The following CALN1 variants were observed in gnomAD, a reference collection of about 807,000 sequenced individuals.
CALN1 encodes calneuron 1, also known as calcium-binding protein 8.
In CALN1, 17 loss-of-function variants were observed where a neutral mutation model predicts 30.6. The observed-to-expected ratio is 0.56, with a 90% CI of 0.38 to 0.83. The LOEUF (loss-of-function observed/expected upper bound fraction) is 0.83. Among genes scored for constraint, CALN1 ranks in the 40% least tolerant of loss-of-function variants. The pLI is 0.00. For missense variants in CALN1, 291 were observed against 354.9 expected, an observed-to-expected ratio of 0.82 and a Z score of 1.45; for synonymous variants, 156 against 131.4, an observed-to-expected ratio of 1.19 and a Z score of -1.28.
chr7:71,926,220 C>A (rs976409917), intron 5 of CALN1, among the ~76,000 whole-genome samples: 1 of 152,146 alleles, frequency 6.6e-6, no homozygotes, highest in East Asian at 1.9e-4. Flanking sequence ...CATGTGTCCC[C>A]GATGAGCATT....
chr7:72,222,187 C>T (rs971463287), intron 3 of CALN1, among the ~76,000 whole-genome samples: 11 of 151,900 alleles, frequency 7.2e-5, no homozygotes, highest in African/African-American at 2.7e-4. Context: ...GACTGTGCCC[C>T]TGCGCTCCAG....
At chr7:72,168,802 ATTATTTTTT>A (rs1357075125) in intron 3 of CALN1, among the ~76,000 whole-genome samples, 3 of 114,450 alleles carry the variant, frequency 2.6e-5, no homozygotes, top group African/African-American at 7.4e-5. Context: ...TATTATTATT[ATTATTTTTT>A]TTTTTTTTTT....
At chr7:72,037,297 C>G (rs1039123951) in intron 4 of CALN1, among the ~76,000 whole-genome samples, 4 of 152,018 alleles carry the variant, frequency 2.6e-5, no homozygotes, top group Admixed American at 6.6e-5. Context: ...ACCACAGGTG[C>G]CTGCTACCAC....
In CALN1 at chr7:72,132,802, T is replaced by TA. The variant is rs1809246149; in HGVS notation, c.245-26509dup. On this transcript the variant is annotated intron_variant, in intron 3 of 6. Coordinates refer to ENST00000395275, the MANE Select transcript of CALN1 (RefSeq NM_031468.4). ...AGACAATGTAGCCCATCAGAAAAGT[T>TA]AAAGTAGGGGTCCCCAACCCCCAGG... 2.0e-5 allele frequency among the ~76,000 whole-genome samples: 3 copies of TA among 152,072 alleles called. No individual in the cohort carries two copies. The East Asian group carries it at 5.8e-4, about 29-fold the overall frequency.
At chr7:72,141,851 G>C (rs953265113) in intron 3 of CALN1, among the ~76,000 whole-genome samples, 3 of 152,114 alleles carry the variant, frequency 2.0e-5, no homozygotes, top group African/African-American at 7.2e-5. Flanking sequence ...TTACAGGTGT[G>C]AGTCACTGTG....
chr7:71,843,657 A>G (rs1411101475), intron 5 of CALN1, among the ~76,000 whole-genome samples: 1 of 152,072 alleles, frequency 6.6e-6, no homozygotes, highest in Admixed American at 6.6e-5. Context: ...CCAGAGAGCT[A>G]AGCTAAGCTC....
intron 2 of CALN1, among the ~76,000 whole-genome samples, chr7:72,300,224 C>G (rs1799160180): frequency 6.6e-6 from 1 of 152,076 alleles, no homozygotes; most frequent in African/African-American, 2.4e-5. Flanking sequence ...TGTAATGGGA[C>G]TGATACTTCA....
At chr7:71,892,646 T>C (rs1240911917) in intron 5 of CALN1, among the ~76,000 whole-genome samples, 1 of 152,214 alleles carries the variant, frequency 6.6e-6, no homozygotes, top group African/African-American at 2.4e-5. Context: ...CAAATTATTT[T>C]CAATAATTAT....
At chr7:72,448,691 C>T (rs1280903977), upstream of CALN1, among the ~76,000 whole-genome samples, 4 of 151,962 alleles carry the variant, frequency 2.6e-5, no homozygotes, top group South Asian at 4.2e-4. Flanking sequence ...CTGCAACCTC[C>T]GTCTCCTGAG....
In CALN1 at chr7:71,951,934, C is replaced by CA. The variant is rs1796712988; in HGVS notation, c.501+71722_501+71723insT. 2.0e-5 allele frequency among the ~76,000 whole-genome samples: 3 copies of CA among 146,830 alleles called. No individual in the cohort carries two copies. The Admixed American group carries it at 2.1e-4, about 10-fold the overall frequency. On this transcript the variant is annotated intron_variant, in intron 5 of 6. Coordinates refer to ENST00000395275, the MANE Select transcript of CALN1 (RefSeq NM_031468.4). ...CTCTAGTTTGTCAAACTGCTGCAGC[C>CA]TTTTTTTTTTTCCATTCCCCTCCTG...
intron 3 of CALN1, among the ~76,000 whole-genome samples, chr7:72,228,207 T>C (rs572268773): frequency 6.6e-6 from 1 of 152,044 alleles, no homozygotes; most frequent in East Asian, 1.9e-4. Flanking sequence ...TCTAATTAGT[T>C]TGGTCAAAGA....
At chr7:72,497,549 C>G in the CALN1 span, among the ~76,000 whole-genome samples, 4 of 152,096 alleles carry the variant, frequency 2.6e-5, no homozygotes, top group Non-Finnish European at 5.9e-5. Flanking sequence ...AGGGCCATGC[C>G]CTGAGATTAG....
Position 72,403,443 on chromosome 7 carries a change from C to T in CALN1, c.-73-1G>A, listed in dbSNP as rs1806485184. The T allele has an allele frequency of 9.8e-6, 12 of 1,230,408 alleles. No individual in the cohort carries two copies. The highest frequency in any genetic ancestry group is 1.4e-5 in the Non-Finnish European group (12 of 886,836). The allele number at this position is 1,230,408 out of a possible 1,614,324, so 76.2% of individuals were successfully genotyped here. Reference sequence around the variant, plus strand: ...GAACGTCAGCGAAGGCACTGAGACTCTGAAAGGAGTTGACAGAAACTTACA... The same window carrying T: ...GAACGTCAGCGAAGGCACTGAGACTTTGAAAGGAGTTGACAGAAACTTACA... On this transcript the variant is annotated splice_acceptor_variant, in intron 1 of 6. Coordinates refer to ENST00000395275, the MANE Select transcript of CALN1 (RefSeq NM_031468.4). LOFTEE classifies it low-confidence loss of function (5UTR_SPLICE).
chr7:72,280,880 C>A (rs954922330), intron 2 of CALN1, among the ~76,000 whole-genome samples: 1 of 152,162 alleles, frequency 6.6e-6, no homozygotes, highest in Non-Finnish European at 1.5e-5. Flanking sequence ...CGGTGGCTCA[C>A]ACCTGTAATC....
chr7:71,796,337 A>AT (rs922261720), intron 6 of CALN1, among the ~76,000 whole-genome samples: 2 of 150,582 alleles, frequency 1.3e-5, no homozygotes, highest in Non-Finnish European at 1.5e-5. Context: ...ACTGGGTTAT[A>AT]TAGTAACTCT....
intron 2 of CALN1, among the ~76,000 whole-genome samples, chr7:72,319,420 C>T (rs558226559): frequency 6.6e-5 from 10 of 152,224 alleles, no homozygotes; most frequent in Admixed American, 4.6e-4. Context: ...GAGACTTATT[C>T]GCTATCACGA....
At chr7:72,337,279 G>T (rs1802129812) in intron 2 of CALN1, 3 of 985,202 alleles carry the variant, frequency 3.0e-6, no homozygotes, top group Non-Finnish European at 3.6e-6. Context: ...GGGCTTCTGG[G>T]CTCGCCTTGG....
At chr7:72,347,699 ATC>A (rs1246880407) in intron 2 of CALN1, among the ~76,000 whole-genome samples, 2 of 152,216 alleles carry the variant, frequency 1.3e-5, no homozygotes, top group Non-Finnish European at 2.9e-5. Context: ...CATTGGTATC[ATC>A]TTTGGTGCAC....
intron 6 of CALN1, among the ~76,000 whole-genome samples, chr7:71,790,351 GAAAGAAAGAAAGAAAGA>G (rs1441841098): frequency 1.1e-5 from 1 of 88,902 alleles, no homozygotes; most frequent in Admixed American, 1.3e-4. Context: ...AGAAAGAAAA[GAAAGAAAGAAAGAAAGA>G]AAAGAAAGAA....
Sources: allele counts gnomAD v4.1 joint callset (sites outside exome capture counted in the v4.1 genomes callset), GRCh38; gene constraint gnomAD v4.1.1; transcripts MANE v1.5; gene names NCBI Gene and HGNC (gene_info 2026-07-23, HGNC 2026-07-21).